CRYBG1: variants seen among roughly 807,000 people sequenced by gnomAD.
CRYBG1 encodes crystallin beta-gamma domain containing 1.
A neutral mutation model predicts 189.2 loss-of-function variants in CRYBG1; 139 were observed. The observed-to-expected ratio is 0.73, with a 90% CI of 0.64 to 0.85. The LOEUF is 0.85. Among genes scored for constraint, CRYBG1 ranks in the 40% least tolerant of loss-of-function variants. CRYBG1 has a pLI of 0.00. For synonymous variants in CRYBG1, 1,023 were observed against 1,017.1 expected (o/e 1.01, Z -0.11); for missense variants, 2,611 against 2,675.8 (o/e 0.98, Z 0.53).
chr6:106,365,228 A>G (rs1412590748), intron 1 of CRYBG1, among the ~76,000 whole-genome samples: 1 of 152,126 alleles, frequency 6.6e-6, no homozygotes, highest in Non-Finnish European at 1.5e-5. Context: ...CAGGAGTTCA[A>G]GACCAGCCTG....
In CRYBG1 at chr6:106,361,096, C is replaced by G. The variant is rs1484688426; in HGVS notation, c.173+15C>G. On this transcript the variant is annotated intron_variant, in intron 1 of 21. Transcript: ENST00000633556. Reference sequence around the variant, plus strand: ...GGAGAGGCCAGGTGAGCTCCTCGCCCGAGCCCTCCAGTCCCACCTCCTCCT... The same window carrying G: ...GGAGAGGCCAGGTGAGCTCCTCGCCGGAGCCCTCCAGTCCCACCTCCTCCT... The G allele has an allele frequency of 3.3e-6, 5 of 1,533,656 alleles. No individual in the cohort carries two copies. Among genetic ancestry groups the G allele is most frequent in the African/African-American group, 1.4e-5 (1 of 73,106 alleles).
intron 21 of CRYBG1, among the ~76,000 whole-genome samples, chr6:106,565,477 G>A (rs1453445372): frequency 6.6e-6 from 1 of 152,152 alleles, no homozygotes; most frequent in Non-Finnish European, 1.5e-5. Context: ...TGATCTCCAG[G>A]TAGGTAGCTT....
At chr6:106,393,165 G>T (rs1397735906) in intron 1 of CRYBG1, among the ~76,000 whole-genome samples, 50 of 152,312 alleles carry the variant, frequency 3.3e-4, no homozygotes, top group Non-Finnish European at 1.3e-4. Context: ...CATGCTGTTG[G>T]TTTCTAAATT....
chr6:106,519,872 A>G lies in CRYBG1; in HGVS notation c.2664A>G (p.Thr888=), dbSNP rs41305294. 7 of 1,614,142 alleles carry G rather than the reference A, an allele frequency of 4.3e-6. No homozygotes were observed. Among genetic ancestry groups the G allele is most frequent in the Non-Finnish European group, 5.9e-6 (7 of 1,180,008 alleles). The part of the protein sequence containing the change: ...APAPGDVPKD[T]CVQSPISSFP... ...CTCCTGGGGATGTTCCCAAAGACAC[A>G]TGTGTTCAATCACCCATAAGCAGTT... The change falls in exon 4 of 22, where the codon ACA becomes ACG. Residue 888 remains threonine, a synonymous_variant. Transcript: ENST00000633556.
chr6:106,419,493 C>G lies in CRYBG1; in HGVS notation c.174-32201C>G, dbSNP rs890632038. ...AACCTCCTGGGCTCAAGCAGTCTTCCTACCTCAGCTCCCTGAGTAGCTGGG... is the reference window on the plus strand; with the variant it reads ...AACCTCCTGGGCTCAAGCAGTCTTCGTACCTCAGCTCCCTGAGTAGCTGGG... On this transcript the variant is annotated intron_variant, in intron 1 of 21. Transcript: ENST00000633556. Among the ~76,000 whole-genome samples the G allele has an allele frequency of 5.3e-4, 81 of 152,330 alleles. 1 individual carries two copies. Among genetic ancestry groups the G allele is most frequent in the African/African-American group, 1.9e-3 (81 of 41,580 alleles).
intron 1 of CRYBG1, among the ~76,000 whole-genome samples, chr6:106,442,629 A>G (rs1343174179): frequency 6.6e-6 from 1 of 152,228 alleles, no homozygotes; most frequent in Non-Finnish European, 1.5e-5. Flanking sequence ...CAGGCTCTGC[A>G]AGCAGCTGCT....
intron 1 of CRYBG1, among the ~76,000 whole-genome samples, chr6:106,410,284 C>T (rs1770906096): frequency 1.3e-5 from 2 of 152,192 alleles, no homozygotes; most frequent in South Asian, 4.1e-4. Context: ...AGCTCATTAT[C>T]ACTGGTCATT....
intron 1 of CRYBG1, among the ~76,000 whole-genome samples, chr6:106,418,031 C>G (rs1771058046): frequency 6.6e-6 from 1 of 152,268 alleles, no homozygotes; most frequent in African/African-American, 2.4e-5. Context: ...TGTACCTGCA[C>G]TCAGTGGGTC....
intron 2 of CRYBG1, among the ~76,000 whole-genome samples, chr6:106,484,982 C>T (rs983087276): frequency 6.6e-6 from 1 of 151,854 alleles, no homozygotes; most frequent in Non-Finnish European, 1.5e-5. Context: ...AAGAGCAAGA[C>T]CCTATTTAAA....
rs1021220491 is a variant in CRYBG1 at position 106,543,441 on chromosome 6, T to C, written c.4883T>C (p.Val1628Ala). Residue 1628 changes from valine to alanine, a missense_variant and splice_region_variant, in exon 11 of 22, where the codon GTA becomes GCA. This residue lies in a region of CRYBG1 where 1,622 missense variants were observed against 1,735.0 expected (regional missense o/e 0.93). Transcript: ENST00000633556. ...RKVEFPTDPK[V>A]VVYEKPFFEG... Reference sequence around the variant, plus strand: ...TGGTATATCTCATTTCTATTGTAGGTAGTTGTTTATGAAAAGCCTTTCTTT... The same window carrying C: ...TGGTATATCTCATTTCTATTGTAGGCAGTTGTTTATGAAAAGCCTTTCTTT... 4 of 1,611,168 alleles carry C rather than the reference T, an allele frequency of 2.5e-6. No individual in the cohort carries two copies. Among genetic ancestry groups the C allele is most frequent in the Non-Finnish European group, 3.4e-6 (4 of 1,177,534 alleles).
chr6:106,414,917 C>G (rs972663868), intron 1 of CRYBG1, among the ~76,000 whole-genome samples: 1 of 152,162 alleles, frequency 6.6e-6, no homozygotes, highest in Non-Finnish European at 1.5e-5. Context: ...ATCAGGGACA[C>G]AAACCCTGCT....
chr6:106,443,074 T>C (rs1771594892), intron 1 of CRYBG1, among the ~76,000 whole-genome samples: 1 of 152,230 alleles, frequency 6.6e-6, no homozygotes, highest in Non-Finnish European at 1.5e-5. Flanking sequence ...GGAATCTTAC[T>C]AAACTGAAGA....
In CRYBG1 at chr6:106,512,065, C is replaced by A. The variant is rs1223833717; in HGVS notation, c.948C>A (p.Ala316=). The change falls in exon 3 of 22, where the codon GCC becomes GCA. Residue 316 remains alanine, a synonymous_variant. Coordinates refer to ENST00000633556, the MANE Select transcript of CRYBG1 (RefSeq NM_001371242.2). ...AGGLGEAPNG[A]PSVCAEEGSL... is the part of the protein sequence containing the mutation. Reference sequence around the variant, plus strand: ...GACTAGGCGAGGCCCCTAACGGAGCCCCCAGTGTGTGTGCCGAAGAAGGCT... The same window carrying A: ...GACTAGGCGAGGCCCCTAACGGAGCACCCAGTGTGTGTGCCGAAGAAGGCT... 1.3e-6 allele frequency: 2 copies of A among 1,534,110 alleles called. No individual in the cohort carries two copies. The highest frequency in any genetic ancestry group is 2.4e-5 in the South Asian group (2 of 83,888).
chr6:106,382,970 C>G (rs1433457986), intron 1 of CRYBG1, among the ~76,000 whole-genome samples: 3 of 152,088 alleles, frequency 2.0e-5, no homozygotes, highest in Admixed American at 6.6e-5. Context: ...TTATTGATAT[C>G]TAAGTAGGGC....
intron 1 of CRYBG1, among the ~76,000 whole-genome samples, chr6:106,370,390 G>C (rs1355372928): frequency 1.3e-5 from 2 of 152,230 alleles, no homozygotes. Flanking sequence ...CCATGCTAAA[G>C]AGGCATGGCA....
intron 1 of CRYBG1, among the ~76,000 whole-genome samples, chr6:106,394,393 A>G (rs1470609386): frequency 6.6e-6 from 1 of 152,076 alleles, no homozygotes; most frequent in African/African-American, 2.4e-5. Context: ...CGTCATGTTC[A>G]TTTCCGTTTA....
At chr6:106,462,352 A>G (rs1772030670) in intron 2 of CRYBG1, among the ~76,000 whole-genome samples, 2 of 152,006 alleles carry the variant, frequency 1.3e-5, no homozygotes, top group African/African-American at 2.4e-5. Context: ...TTGTATTTTT[A>G]GTAGAGACAG....
chr6:106,384,062 C>T (rs766103571), intron 1 of CRYBG1, among the ~76,000 whole-genome samples: 1 of 152,188 alleles, frequency 6.6e-6, no homozygotes, highest in Non-Finnish European at 1.5e-5. Flanking sequence ...GGTGTGAACT[C>T]AGCACAGCAC....
chr6:106,559,328 T>C (rs1774640914), intron 18 of CRYBG1, among the ~76,000 whole-genome samples: 3 of 152,174 alleles, frequency 2.0e-5, no homozygotes, highest in Admixed American at 2.0e-4. Context: ...AAGATTTTTT[T>C]CCCCTCAACT....
Sources: allele counts gnomAD v4.1 joint callset (sites outside exome capture counted in the v4.1 genomes callset), GRCh38; gene constraint gnomAD v4.1.1; regional missense constraint gnomAD v4.1.1; transcripts MANE v1.5; gene names NCBI Gene and HGNC (gene_info 2026-07-23, HGNC 2026-07-21).